The following MAML3 variants were observed in gnomAD, a reference collection of about 807,000 sequenced individuals.
MAML3 encodes mastermind-like protein 3.
Under a neutral mutation model 101.9 loss-of-function variants are expected in MAML3, and 27 were observed. The ratio of observed to expected loss-of-function variants is 0.27; its 90% CI spans 0.20 to 0.37. The LOEUF is 0.37. Among genes scored for constraint, MAML3 ranks in the 10% least tolerant of loss-of-function variants. The pLI, the probability that MAML3 is intolerant of heterozygous loss-of-function variation, is 1.00. For missense variants in MAML3, 1,316 were observed against 1,444.9 expected (o/e 0.91, Z 1.45); for synonymous variants, 501 against 555.9 (o/e 0.90, Z 1.39).
intron 1 of MAML3, among the ~76,000 whole-genome samples, chr4:139,977,799 G>A (rs4863522): frequency 0.29 from 43,543 of 151,852 alleles, 7,645 homozygotes; most frequent in Non-Finnish European, 0.38. Flanking sequence ...CTGGAACCCA[G>A]GAGGCAGATG....
At chr4:139,802,085 C>T (rs977563565) in intron 2 of MAML3, among the ~76,000 whole-genome samples, 1 of 152,170 alleles carries the variant, frequency 6.6e-6, no homozygotes, top group African/African-American at 2.4e-5. Context: ...CGGCAACAGA[C>T]TACTTCTAAA....
intron 2 of MAML3, among the ~76,000 whole-genome samples, chr4:139,736,620 G>A (rs1389123615): frequency 1.3e-5 from 2 of 152,208 alleles, no homozygotes; most frequent in East Asian, 3.8e-4. Flanking sequence ...TTCCCAGTAT[G>A]GGCAATTTGG....
At chr4:139,931,648 A>ACAAT (rs1733397168) in intron 1 of MAML3, among the ~76,000 whole-genome samples, 1 of 152,148 alleles carries the variant, frequency 6.6e-6, no homozygotes, top group East Asian at 1.9e-4. Context: ...CCCAGGCTCA[A>ACAAT]CAATCCTCCT....
intron 1 of MAML3, among the ~76,000 whole-genome samples, chr4:140,040,030 C>G (rs932952888): frequency 6.6e-6 from 1 of 152,202 alleles, no homozygotes; most frequent in Non-Finnish European, 1.5e-5. Context: ...ACCAGTGAGA[C>G]CAGAATGCAG....
intron 1 of MAML3, among the ~76,000 whole-genome samples, chr4:140,106,212 A>C (rs1187730814): frequency 6.6e-6 from 1 of 151,832 alleles, no homozygotes; most frequent in Non-Finnish European, 1.5e-5. Context: ...CTGTTTTTCC[A>C]AAAATCTTTC....
rs541474812 is a variant in MAML3 at position 139,961,134 on chromosome 4, GC to G, written c.469-70168del. On this transcript the variant is annotated intron_variant, in intron 1 of 4. Transcript: ENST00000509479. ...ACTAGCCATCCTCCCTGAAGAGGTGGCCTCTCTGGGGAAACAACATGGGGGC... is the reference window on the plus strand; with the variant it reads ...ACTAGCCATCCTCCCTGAAGAGGTGGCTCTCTGGGGAAACAACATGGGGGC... Among the ~76,000 whole-genome samples, 356 of 152,302 alleles carry G rather than the reference GC, an allele frequency of 2.3e-3. 2 individuals carry two copies. Among genetic ancestry groups the G allele is most frequent in the African/African-American group, 8.2e-3 (342 of 41,566 alleles).
chr4:140,100,239 G>A (rs1381424812), intron 1 of MAML3, among the ~76,000 whole-genome samples: 1 of 151,966 alleles, frequency 6.6e-6, no homozygotes, highest in Admixed American at 6.6e-5. Flanking sequence ...CAACGTTCCC[G>A]GATTTCCTCT....
chr4:139,767,887 T>C (rs1297292112), intron 2 of MAML3, among the ~76,000 whole-genome samples: 1 of 152,210 alleles, frequency 6.6e-6, no homozygotes, highest in Non-Finnish European at 1.5e-5. Flanking sequence ...CCTTGAACCT[T>C]TTTTAGTTCT....
At chr4:139,992,401 C>T (rs913037348) in intron 1 of MAML3, among the ~76,000 whole-genome samples, 26 of 152,134 alleles carry the variant, frequency 1.7e-4, no homozygotes, top group Admixed American at 1.7e-3. Context: ...GTTAAGTTTT[C>T]CTTAGAGTTT....
intron 1 of MAML3, among the ~76,000 whole-genome samples, chr4:139,896,409 A>T (rs1732609756): frequency 6.6e-6 from 1 of 152,210 alleles, no homozygotes; most frequent in African/African-American, 2.4e-5. Flanking sequence ...TTGTATTACT[A>T]TTATTACATA....
chr4:140,138,250 A>G (rs4241934), intron 1 of MAML3, among the ~76,000 whole-genome samples: 152,018 of 152,316 alleles, frequency 1, 75,862 homozygotes, highest in Middle Eastern at 1. Flanking sequence ...CGATTTTCAC[A>G]AACAACTTTT....
intron 4 of MAML3, among the ~76,000 whole-genome samples, chr4:139,725,161 A>AG (rs1728415580): frequency 6.6e-6 from 1 of 152,206 alleles, no homozygotes; most frequent in Non-Finnish European, 1.5e-5. Flanking sequence ...CACTGCTACT[A>AG]GGTCATGATT....
At chr4:140,056,350 TTTTC>T in intron 1 of MAML3, among the ~76,000 whole-genome samples, 1 of 149,498 alleles carries the variant, frequency 6.7e-6, no homozygotes, top group Non-Finnish European at 1.5e-5. Context: ...CTTAGTTTTC[TTTTC>T]TTTTCTTTTT....
intron 1 of MAML3, among the ~76,000 whole-genome samples, chr4:139,969,631 T>C (rs978853856): frequency 1.3e-5 from 2 of 152,222 alleles, no homozygotes; most frequent in African/African-American, 4.8e-5. Flanking sequence ...ATACAGATTT[T>C]ATGTTAATAT....
intron 1 of MAML3, among the ~76,000 whole-genome samples, chr4:140,114,823 G>A (rs950355511): frequency 6.6e-6 from 1 of 151,988 alleles, no homozygotes. Flanking sequence ...AAAAGTTATG[G>A]CCTATTTTCA....
At chr4:139,942,012 G>C (rs1444841603) in intron 1 of MAML3, among the ~76,000 whole-genome samples, 1 of 152,122 alleles carries the variant, frequency 6.6e-6, no homozygotes, top group Non-Finnish European at 1.5e-5. Context: ...GCAGGCGCCT[G>C]TGATCCCAGC....
intron 1 of MAML3, among the ~76,000 whole-genome samples, chr4:140,137,955 T>C (rs1359466591): frequency 1.3e-5 from 2 of 152,372 alleles, no homozygotes; most frequent in East Asian, 3.9e-4. Flanking sequence ...AAACTACTGT[T>C]ACATCTTTCT....
chr4:139,798,038 A>AG, intron 2 of MAML3, among the ~76,000 whole-genome samples: 1 of 5,756 alleles, frequency 1.7e-4, no homozygotes, highest in Non-Finnish European at 6.0e-4. Context: ...GAGAGAGAGA[A>AG]AGAAAGAAAG....
At chr4:140,014,392 A>G (rs1482489584) in intron 1 of MAML3, among the ~76,000 whole-genome samples, 1 of 152,242 alleles carries the variant, frequency 6.6e-6, no homozygotes, top group Admixed American at 6.5e-5. Flanking sequence ...GATTAGTTAC[A>G]TGTTTATTAT....
Sources: allele counts gnomAD v4.1 joint callset (sites outside exome capture counted in the v4.1 genomes callset), GRCh38; gene constraint gnomAD v4.1.1; transcripts MANE v1.5; gene names NCBI Gene and HGNC (gene_info 2026-07-23, HGNC 2026-07-21).